Variants in ADCY2 observed in about 807,000 individuals in gnomAD.
ADCY2 encodes the protein adenylate cyclase 2.
A neutral mutation model predicts 125.2 loss-of-function variants in ADCY2; 31 were observed. The observed-to-expected ratio is 0.25, with a 90% CI of 0.19 to 0.33. The LOEUF (loss-of-function observed/expected upper bound fraction) is 0.33, where lower values mean the gene tolerates loss of function less well. ADCY2 is among the 10% of genes least tolerant of loss of function. The pLI, the probability that ADCY2 is intolerant of heterozygous loss-of-function variation, is 1.00. For missense variants in ADCY2, 904 were observed against 1,418.2 expected, an observed-to-expected ratio of 0.64 and a Z score of 5.82; for synonymous variants, 512 against 548.4, an observed-to-expected ratio of 0.93 and a Z score of 0.93.
At chr5:7,440,310 T>C (rs1277857276) in intron 2 of ADCY2, among the ~76,000 whole-genome samples, 1 of 152,216 alleles carries the variant, frequency 6.6e-6, no homozygotes, top group South Asian at 2.1e-4. Context: ...TGATTTTCTT[T>C]CACAGGGAGC....
chr5:7,593,535 G>A (rs760366197), intron 3 of ADCY2, among the ~76,000 whole-genome samples: 1 of 151,868 alleles, frequency 6.6e-6, no homozygotes, highest in African/African-American at 2.4e-5. Context: ...ATGGAGCGTA[G>A]GAGAAAGAAG....
chr5:7,726,988 G>T (rs1416147648), intron 13 of ADCY2, among the ~76,000 whole-genome samples, 176 bp from the exon 14 acceptor site: 1 of 152,152 alleles, frequency 6.6e-6, no homozygotes, highest in Non-Finnish European at 1.5e-5. Flanking sequence ...CAGTTCATGT[G>T]GGGGAAGGAA....
intron 2 of ADCY2, among the ~76,000 whole-genome samples, chr5:7,494,193 G>C (rs1223986110): frequency 2.0e-5 from 3 of 152,050 alleles, no homozygotes; most frequent in Non-Finnish European, 4.4e-5. Context: ...CCCATCCAGG[G>C]GAATCACCTG....
chr5:7,719,617 G>A (rs949102658), intron 12 of ADCY2, among the ~76,000 whole-genome samples: 12 of 152,142 alleles, frequency 7.9e-5, no homozygotes, highest in Non-Finnish European at 1.6e-4. Context: ...GTTAAAAGAC[G>A]ACTGATGTCA....
intron 2 of ADCY2, among the ~76,000 whole-genome samples, chr5:7,498,243 T>G (rs1439890855): frequency 1.5e-5 from 2 of 133,538 alleles, no homozygotes; most frequent in African/African-American, 5.8e-5. Flanking sequence ...TTTTTCGTTT[T>G]TTTTTTTTTT....
chr5:7,535,562 G>A (rs1734787313), intron 3 of ADCY2, among the ~76,000 whole-genome samples: 1 of 152,112 alleles, frequency 6.6e-6, no homozygotes, highest in Non-Finnish European at 1.5e-5. Flanking sequence ...ATCCTTTAAA[G>A]GTAATCATGA....
chr5:7,510,203 G>A (rs72709175), intron 2 of ADCY2, among the ~76,000 whole-genome samples: 24,338 of 152,044 alleles, frequency 0.16, 2,059 homozygotes, highest in African/African-American at 0.2. Flanking sequence ...GAGGTGTCAA[G>A]AAATAGAAAC....
chr5:7,745,516 C>A (rs930384363), intron 15 of ADCY2, among the ~76,000 whole-genome samples: 1 of 152,156 alleles, frequency 6.6e-6, no homozygotes, highest in East Asian at 1.9e-4. Flanking sequence ...TAATATGAAT[C>A]CACTCCGAAA....
At chr5:7,541,754 A>G (rs1436519893) in intron 3 of ADCY2, among the ~76,000 whole-genome samples, 1 of 152,212 alleles carries the variant, frequency 6.6e-6, no homozygotes, top group East Asian at 1.9e-4. Flanking sequence ...AGAGATACTA[A>G]ATCTGATGGA....
chr5:7,629,789 G>A, intron 4 of ADCY2, among the ~76,000 whole-genome samples: 1 of 152,194 alleles, frequency 6.6e-6, no homozygotes. Flanking sequence ...ACATATTTCA[G>A]TGAGTGTTGC....
chr5:7,485,998 A>G (rs564498844), intron 2 of ADCY2, among the ~76,000 whole-genome samples: 3 of 152,318 alleles, frequency 2.0e-5, no homozygotes, highest in African/African-American at 7.2e-5. Flanking sequence ...AAGTAATAAA[A>G]TAGAATAAAA....
chr5:7,412,265 A>G (rs1327172503), intron 1 of ADCY2, among the ~76,000 whole-genome samples: 4 of 152,162 alleles, frequency 2.6e-5, no homozygotes, highest in Admixed American at 1.3e-4. Flanking sequence ...AAAGTCAATG[A>G]TTGTTTCACC....
chr5:7,596,284 C>G lies in ADCY2; in HGVS notation c.571-29883C>G, dbSNP rs529916315. ...TGCCCGATCCAAAAACTCCCCCCCCCCACCAGTTAGCTCTGGGGTATCAGA... is the reference window on the plus strand; with the variant it reads ...TGCCCGATCCAAAAACTCCCCCCCCGCACCAGTTAGCTCTGGGGTATCAGA... On this transcript the variant is annotated intron_variant, in intron 3 of 24. Transcript: ENST00000338316. Among the ~76,000 whole-genome samples the G allele has an allele frequency of 3.3e-3, 503 of 151,996 alleles. 12 individuals are homozygous for G. Among genetic ancestry groups the G allele is most frequent in the Non-Finnish European group, 9.7e-4 (66 of 67,980 alleles).
chr5:7,812,882 C>G (rs921457177), intron 22 of ADCY2, among the ~76,000 whole-genome samples: 1 of 152,118 alleles, frequency 6.6e-6, no homozygotes, highest in African/African-American at 2.4e-5. Context: ...TGCACTCCAG[C>G]CTGGGCTACA....
At chr5:7,456,767 C>T (rs1461681120) in intron 2 of ADCY2, among the ~76,000 whole-genome samples, 1 of 152,110 alleles carries the variant, frequency 6.6e-6, no homozygotes, top group Non-Finnish European at 1.5e-5. Flanking sequence ...GTTCATGTTG[C>T]CCAGCATGTC....
chr5:7,817,958 T>G (rs1745171350), intron 23 of ADCY2, among the ~76,000 whole-genome samples: 1 of 152,138 alleles, frequency 6.6e-6, no homozygotes, highest in Non-Finnish European at 1.5e-5. Context: ...TTTTACAAAT[T>G]GTTGTTTTTT....
intron 1 of ADCY2, among the ~76,000 whole-genome samples, chr5:7,399,009 G>A (rs115625083): frequency 0.014 from 2,080 of 152,298 alleles, 51 homozygotes; most frequent in African/African-American, 0.048. Flanking sequence ...TCATTTCTTG[G>A]GCTGGCAGGG....
At chr5:7,629,112 TCAG>T (rs1234579766) in intron 4 of ADCY2, among the ~76,000 whole-genome samples, 2 of 152,250 alleles carry the variant, frequency 1.3e-5, no homozygotes, top group African/African-American at 4.8e-5. Flanking sequence ...GAAAACAGTT[TCAG>T]TCATTGTTTA....
At chr5:7,601,317 A>C (rs1737193280) in intron 3 of ADCY2, among the ~76,000 whole-genome samples, 1 of 150,672 alleles carries the variant, frequency 6.6e-6, no homozygotes, top group Admixed American at 6.6e-5. Flanking sequence ...GATGAATTAA[A>C]AAGAAAAAAA....
Sources: gnomAD v4.1 joint callset for allele counts (sites outside exome capture counted in the v4.1 genomes callset) on GRCh38, gnomAD v4.1.1 for gene constraint, MANE v1.5 for transcripts, NCBI Gene and HGNC (gene_info 2026-07-23, HGNC 2026-07-21) for gene names.